Variants in MME observed in about 807,000 individuals in gnomAD.
The protein encoded by MME is membrane metalloendopeptidase.
Under a neutral mutation model 113.2 loss-of-function variants are expected in MME, and 98 were observed. That is an observed-to-expected ratio of 0.87 (90% CI 0.74 to 1.02). The LOEUF (loss-of-function observed/expected upper bound fraction) is 1.02. Among genes scored for constraint, MME ranks in the 50% least tolerant of loss-of-function variants. The pLI is 0.00. For synonymous variants in MME, 292 were observed against 300.6 expected (o/e 0.97, Z 0.30); for missense variants, 836 against 896.0 (o/e 0.93, Z 0.86).
intron 8 of MME, among the ~76,000 whole-genome samples, chr3:155,127,526 T>C (rs1719786099): frequency 6.6e-6 from 1 of 152,228 alleles, no homozygotes; most frequent in African/African-American, 2.4e-5. Flanking sequence ...GAAAATGTAG[T>C]CTTGAGCAGT....
intron 1 of MME, among the ~76,000 whole-genome samples, chr3:155,072,560 GGTTT>G (rs1484940826): frequency 5.9e-5 from 9 of 152,150 alleles, no homozygotes; most frequent in East Asian, 1.9e-4. Flanking sequence ...AGCTGCAGTT[GGTTT>G]GTTTGTTTGG....
intron 1 of MME, among the ~76,000 whole-genome samples, chr3:155,037,966 A>G (rs4414806): frequency 0.15 from 22,109 of 152,056 alleles, 2,754 homozygotes; most frequent in African/African-American, 0.33. Context: ...TGTGGGTAGG[A>G]AGGGGAGAGA....
At chr3:155,166,783 C>T in intron 17 of MME, 119 bp from the exon 18 acceptor site, 2 of 1,269,826 alleles carry the variant, frequency 1.6e-6, no homozygotes, top group Non-Finnish European at 2.3e-6. Context: ...TGAATAATGC[C>T]ATGGTGGCAT....
chr3:155,096,608 G>T lies in MME; in HGVS notation c.196+11514G>T, dbSNP rs140861239. ...AATTATTGAGAAAGATCACTGAATA[G>T]AAATAAAGAATGGCTGTGGGCAGGA... On this transcript the variant is annotated intron_variant, in intron 3 of 22. Coordinates refer to ENST00000360490, the MANE Select transcript of MME (RefSeq NM_007289.4). Among the ~76,000 whole-genome samples, 85 of 152,292 alleles carry T rather than the reference G, an allele frequency of 5.6e-4. 1 individual carries two copies. In the Middle Eastern group the frequency reaches 0.024, roughly 43 times the overall value.
At chr3:155,064,608 A>G (rs1352902056) in intron 1 of MME, among the ~76,000 whole-genome samples, 6 of 152,158 alleles carry the variant, frequency 3.9e-5, no homozygotes, top group Non-Finnish European at 7.3e-5. Flanking sequence ...GACTCTTCTG[A>G]ATACTCTTTC....
intron 7 of MME, among the ~76,000 whole-genome samples, chr3:155,118,344 T>C (rs894573535): frequency 2.0e-5 from 3 of 152,198 alleles, no homozygotes; most frequent in African/African-American, 4.8e-5. Context: ...TGGAAGCAGA[T>C]GAGAATGTTC....
At chr3:155,151,054 G>A (rs1341929692) in intron 16 of MME, among the ~76,000 whole-genome samples, 3 of 151,878 alleles carry the variant, frequency 2.0e-5, no homozygotes, top group Admixed American at 6.6e-5. Flanking sequence ...CAGCCTGGGC[G>A]ACAGAGCAAG....
chr3:155,107,973 A>G (rs1717831339), intron 3 of MME, among the ~76,000 whole-genome samples: 1 of 152,232 alleles, frequency 6.6e-6, no homozygotes, highest in Non-Finnish European at 1.5e-5. Context: ...ATGGATAAAC[A>G]TCGTTCAGGC....
intron 20 of MME, among the ~76,000 whole-genome samples, chr3:155,171,620 C>T (rs1009051208): frequency 1.3e-5 from 2 of 152,070 alleles, no homozygotes; most frequent in South Asian, 4.1e-4. Context: ...TTTTATTATC[C>T]TCAGACTCAT....
chr3:155,031,820 G>A (rs1226887087), intron 1 of MME, among the ~76,000 whole-genome samples: 1 of 152,130 alleles, frequency 6.6e-6, no homozygotes, highest in African/African-American at 2.4e-5. Context: ...ACCACACCCG[G>A]CTACTTTTTT....
At chr3:155,175,573 T>C (rs1712438164) in intron 22 of MME, among the ~76,000 whole-genome samples, 1 of 151,958 alleles carries the variant, frequency 6.6e-6, no homozygotes, top group Admixed American at 6.6e-5. Flanking sequence ...TTCTATATAA[T>C]ATGTAAGGGT....
chr3:155,076,301 A>G (rs1374975567), upstream of MME, among the ~76,000 whole-genome samples: 2 of 152,178 alleles, frequency 1.3e-5, no homozygotes, highest in African/African-American at 4.8e-5. Context: ...AGGGGTGAGG[A>G]GTCGGAGTTG....
chr3:155,179,725 CTG>C (rs1054912358), intron 22 of MME, among the ~76,000 whole-genome samples: 1 of 152,306 alleles, frequency 6.6e-6, no homozygotes, highest in South Asian at 2.1e-4. Context: ...GTGAGTTGGA[CTG>C]TGTTGTTTTT....
chr3:155,152,136 T>C (rs1470363624), intron 16 of MME, among the ~76,000 whole-genome samples: 1 of 152,176 alleles, frequency 6.6e-6, no homozygotes, highest in Non-Finnish European at 1.5e-5. Flanking sequence ...CACCTCACCA[T>C]TGTCCAAAGC....
At chr3:155,067,123 G>T (rs185174603) in intron 1 of MME, among the ~76,000 whole-genome samples, 1 of 149,090 alleles carries the variant, frequency 6.7e-6, no homozygotes, top group Non-Finnish European at 1.5e-5. Context: ...TGCTTTCCTT[G>T]TGCTTGCAAA....
intron 10 of MME, among the ~76,000 whole-genome samples, chr3:155,140,653 C>T (rs371891664): frequency 7.9e-5 from 12 of 152,102 alleles, no homozygotes; most frequent in East Asian, 5.8e-4. Flanking sequence ...AGTGATCTGC[C>T]GGCCACAGCC....
chr3:155,143,167 TTGTA>T (rs1361106908), intron 12 of MME, among the ~76,000 whole-genome samples: 2 of 152,166 alleles, frequency 1.3e-5, no homozygotes, highest in African/African-American at 4.8e-5. Flanking sequence ...GGTTACAGTG[TTGTA>T]TGTTTTTCTA....
At chr3:155,133,963 TG>T (rs1197693467) in intron 8 of MME, among the ~76,000 whole-genome samples, 1 of 151,538 alleles carries the variant, frequency 6.6e-6, no homozygotes, top group Non-Finnish European at 1.5e-5. Context: ...ACTGCATGCT[TG>T]TACTTTGGAA....
chr3:155,089,795 T>C (rs1201574322), intron 3 of MME: 1 of 439,638 alleles, frequency 2.3e-6, no homozygotes, highest in Admixed American at 2.4e-5. Context: ...CTGGCCTACA[T>C]GGTGAAACCC....
Sources: gnomAD v4.1 joint callset for allele counts (sites outside exome capture counted in the v4.1 genomes callset) on GRCh38, gnomAD v4.1.1 for gene constraint, MANE v1.5 for transcripts, NCBI Gene and HGNC (gene_info 2026-07-23, HGNC 2026-07-21) for gene names.